The following GBP7 variants were observed in gnomAD, a reference collection of about 807,000 sequenced individuals.
GBP7 encodes the protein guanylate-binding protein 7.
Under a neutral mutation model 61.3 loss-of-function variants are expected in GBP7, and 43 were observed. The ratio of observed to expected loss-of-function variants is 0.70; its 90% CI spans 0.55 to 0.91. The LOEUF is 0.91. Among genes scored for constraint, GBP7 ranks in the 40% least tolerant of loss-of-function variants. The pLI is 0.00. For synonymous variants in GBP7, 267 were observed against 271.0 expected (o/e 0.99, Z 0.14); for missense variants, 717 against 740.5 (o/e 0.97, Z 0.37).
chr1:89,135,482 C>T (rs1681778839), intron 9 of GBP7, among the ~76,000 whole-genome samples: 2 of 152,074 alleles, frequency 1.3e-5, no homozygotes, highest in African/African-American at 4.8e-5. Context: ...GGAATCCCAT[C>T]AAGCTAACAG....
At chr1:89,152,192 T>A (rs1454027176) in intron 5 of GBP7, 76 bp downstream of exon 5, 1 of 1,265,482 alleles carries the variant, frequency 7.9e-7, no homozygotes, top group East Asian at 2.3e-5. Context: ...AAAATTTGTG[T>A]CAGGTGTTGA....
Position 89,152,791 on chromosome 1 carries a change from A to C in GBP7, c.319-14T>G. On this transcript the variant is annotated splice_polypyrimidine_tract_variant and intron_variant, in intron 3 of 10. Transcript: ENST00000294671. ...CTTAGGGTCACTCTAGTGTTAAAGA[A>C]AAAAAAAAAAAAAATGGAAGCCACA... 1.4e-6 allele frequency: 1 copy of C among 692,904 alleles called. No individual in the cohort carries two copies. Among genetic ancestry groups the C allele is most frequent in the Non-Finnish European group, 1.8e-6 (1 of 546,730 alleles). 42.9% of individuals were successfully genotyped at this position (692,904 alleles called of 1,614,324 possible). A position where few individuals can be genotyped will look rare whatever the true frequency, so the allele number is the denominator to read the frequency against.
At chr1:89,145,445 A>G (rs1041057561) in intron 8 of GBP7, among the ~76,000 whole-genome samples, 2 of 152,138 alleles carry the variant, frequency 1.3e-5, no homozygotes, top group Admixed American at 1.3e-4. Context: ...ATATGCATAT[A>G]TATCACATTT....
chr1:89,146,529 A>G (rs536756591), intron 8 of GBP7, among the ~76,000 whole-genome samples: 2 of 152,218 alleles, frequency 1.3e-5, no homozygotes, highest in South Asian at 2.1e-4. Context: ...CATATATCTG[A>G]TAAGTGCTTA....
In GBP7 at chr1:89,164,755, C is replaced by G. The variant is rs568032844; in HGVS notation, c.294G>C (p.Thr98=). 3 of 1,613,754 alleles carry G rather than the reference C, an allele frequency of 1.9e-6. No homozygotes were observed. Among genetic ancestry groups the G allele is most frequent in the Non-Finnish European group, 2.5e-6 (3 of 1,179,850 alleles). ...KPNHTLILLD[T]EGLGDMEKSD... ...CCTTTTCCATATCACCCAGGCCCTCCGTGTCCAGAAGGATCAGGGTGTGGT... is the reference window on the plus strand; with the variant it reads ...CCTTTTCCATATCACCCAGGCCCTCGGTGTCCAGAAGGATCAGGGTGTGGT... The change falls in exon 3 of 11, where the codon ACG becomes ACC. Residue 98 remains threonine (T), a synonymous_variant. Transcript: ENST00000294671.
intron 4 of GBP7, 77 bp downstream of exon 4, chr1:89,152,591 C>T: frequency 6.6e-7 from 1 of 1,518,306 alleles, no homozygotes; most frequent in Admixed American, 1.8e-5. Context: ...AACTGAGTCA[C>T]AACAAAGAAG....
intron 8 of GBP7, 126 bp downstream of exon 8, chr1:89,147,441 A>G (rs1038251182): frequency 1.4e-6 from 1 of 703,254 alleles, no homozygotes. Context: ...GATTTAAAAT[A>G]TCAAGGTATT....
chr1:89,164,549 C>A (rs111404137), intron 3 of GBP7, among the ~76,000 whole-genome samples, 182 bp downstream of exon 3: 5 of 152,218 alleles, frequency 3.3e-5, no homozygotes, highest in African/African-American at 1.2e-4. Flanking sequence ...AGATGTATCA[C>A]CAATAGTCCA....
chr1:89,143,068 T>C (rs571106326), intron 8 of GBP7, among the ~76,000 whole-genome samples: 1 of 152,238 alleles, frequency 6.6e-6, no homozygotes, highest in African/African-American at 2.4e-5. Context: ...TGCTGGGTCA[T>C]TTGGTATTTG....
intron 2 of GBP7, 110 bp downstream of exon 2, chr1:89,171,636 T>C (rs1235891251): frequency 2.1e-5 from 19 of 921,690 alleles, no homozygotes; most frequent in Non-Finnish European, 3.1e-5. Context: ...CAAAGTTAGC[T>C]ATCAATACTT....
chr1:89,164,659 G>A, intron 3 of GBP7, 72 bp downstream of exon 3: 1 of 1,446,496 alleles, frequency 6.9e-7, no homozygotes, highest in Admixed American at 1.8e-5. Flanking sequence ...AGAGAAGTTG[G>A]ATTGATACTA....
rs371270430 is a variant in GBP7, at chr1:89,150,412, C to T, written c.789G>A (p.Met263Ile). The change falls in exon 6 of 11, where the codon ATG becomes ATA. Residue 263 changes from methionine (M) to isoleucine (I), a missense_variant. Met to Ile is a conservative substitution (Grantham distance 10). Transcript: ENST00000294671. ...REDQLDSNFQ[M>I]QSENFCSYIF... ...TATAAGAACAGAAATTTTCTGATTG[C>T]ATCTGGAAATTACTATCCAGTTGGT... The T allele has an allele frequency of 2.9e-5, 46 of 1,613,670 alleles. No individual in the cohort carries two copies. The highest frequency in any genetic ancestry group is 3.8e-5 in the Non-Finnish European group (45 of 1,179,592).
chr1:89,133,214 C>A (rs916247418), intron 10 of GBP7, 44 bp downstream of exon 10: 2 of 1,482,988 alleles, frequency 1.3e-6, no homozygotes, highest in Non-Finnish European at 1.9e-6. Context: ...AAATGAGGAA[C>A]TGGCATTGTG....
At chr1:89,150,956 C>T (rs116026158) in intron 5 of GBP7, among the ~76,000 whole-genome samples, 2,513 of 152,078 alleles carry the variant, frequency 0.017, 65 homozygotes, top group African/African-American at 0.056. Flanking sequence ...ATATTTAAGG[C>T]GTTATAACAT....
chr1:89,172,688 T>G (rs1423284551), intron 1 of GBP7, among the ~76,000 whole-genome samples: 2 of 152,198 alleles, frequency 1.3e-5, no homozygotes, highest in Non-Finnish European at 2.9e-5. Context: ...AAGAGTTATG[T>G]GCCACTTTGT....
At position 89,152,349 on chromosome 1, in the gene GBP7, CTCGAACAG is replaced by C; in HGVS notation, c.536_543del (p.Thr179ArgfsTer17). On this transcript the variant is annotated frameshift_variant, in exon 5 of 11. Coordinates refer to ENST00000294671, the MANE Select transcript of GBP7 (RefSeq NM_207398.3). LOFTEE classifies it high-confidence loss of function. ...TCTAACTTCAGCTCCAGGGTAAAAT[CTCGAACAG>C]TCCAAATAAAGTCTGGAAAGAAACT... The C allele has an allele frequency of 6.2e-7, 1 of 1,614,134 alleles. No individual in the cohort carries two copies. Among genetic ancestry groups the C allele is most frequent in the Non-Finnish European group, 8.5e-7 (1 of 1,180,018 alleles).
At chr1:89,150,881 T>C (rs368114138) in intron 5 of GBP7, among the ~76,000 whole-genome samples, 2 of 152,212 alleles carry the variant, frequency 1.3e-5, no homozygotes, top group South Asian at 2.1e-4. Context: ...TGACGATTTT[T>C]AAAATGTTTG....
chr1:89,150,819 G>A (rs919448586), intron 5 of GBP7, among the ~76,000 whole-genome samples: 1 of 152,200 alleles, frequency 6.6e-6, no homozygotes, highest in Non-Finnish European at 1.5e-5. Flanking sequence ...TCCACCTCAA[G>A]TGAAGGAATT....
intron 9 of GBP7, among the ~76,000 whole-genome samples, chr1:89,139,217 G>A (rs1482625529): frequency 6.6e-6 from 1 of 152,146 alleles, no homozygotes; most frequent in Non-Finnish European, 1.5e-5. Context: ...TTTCATAAAT[G>A]GTGCTGGGAA....
Sources: gnomAD v4.1 joint callset for allele counts (sites outside exome capture counted in the v4.1 genomes callset) on GRCh38, gnomAD v4.1.1 for gene constraint, MANE v1.5 for transcripts, NCBI Gene and HGNC (gene_info 2026-07-23, HGNC 2026-07-21) for gene names.